The following CORO1B variants were observed in gnomAD, a reference collection of about 807,000 sequenced individuals.
CORO1B encodes coronin 1B, also known as coronin-1B.
In CORO1B, 30 loss-of-function variants were observed where a neutral mutation model predicts 51.1. The ratio of observed to expected loss-of-function variants is 0.59; its 90% CI spans 0.44 to 0.80. The LOEUF is 0.80. Ranked by LOEUF, CORO1B falls within the 30% of genes least tolerant of loss-of-function variation. CORO1B has a pLI of 0.00. For synonymous variants in CORO1B, 310 were observed against 289.7 expected (o/e 1.07, Z -0.71); for missense variants, 648 against 700.4 (o/e 0.93, Z 0.84).
Position 67,442,631 on chromosome 11 carries a change from C to T in CORO1B, c.-2-1G>A. On this transcript the variant is annotated splice_acceptor_variant, in intron 1 of 10. Transcript: ENST00000341356. LOFTEE classifies it low-confidence loss of function (5UTR_SPLICE). ...CGGACCACTTTGCGGAAGGACATGT[C>T]TGCGGGACAGAGAGGCCTGGGTCAG... is the stretch of plus-strand genomic sequence containing the variant. 1 of 1,613,272 alleles carries T rather than the reference C, an allele frequency of 6.2e-7. No homozygotes were observed. Among genetic ancestry groups the T allele is most frequent in the Non-Finnish European group, 8.5e-7 (1 of 1,179,896 alleles).
chr11:67,441,021 G>C, intron 6 of CORO1B, 104 bp downstream of exon 6: 2 of 1,552,032 alleles, frequency 1.3e-6, no homozygotes, highest in Non-Finnish European at 1.8e-6. Context: ...TCAAGTTCCA[G>C]GCAGAGAAGC....
At position 67,440,222 on chromosome 11, in the gene CORO1B, A is replaced by T. The variant is rs754173763; in HGVS notation, c.903T>A (p.Pro301=). ...ACGTGTTCAGGAAGTGGATGTAGGG[A>T]GGCTCCTCTGTGATCTCAAAGTACC... The part of the protein sequence containing the change: ...SIRYFEITEE[P]PYIHFLNTFT... Residue 301 remains proline, a synonymous_variant, in exon 8 of 11, where the codon CCT becomes CCA. Transcript: ENST00000341356. 6.2e-7 allele frequency: 1 copy of T among 1,613,872 alleles called. No homozygotes were observed. The highest frequency in any genetic ancestry group is 8.5e-7 in the Non-Finnish European group (1 of 1,179,962).
At chr11:67,443,700 CAG>C, upstream of CORO1B, 1 of 982,334 alleles carries the variant, frequency 1.0e-6, no homozygotes, top group Non-Finnish European at 1.2e-6. Flanking sequence ...CGGGGCGGGG[CAG>C]GGCCGACGGC....
chr11:67,440,914 C>T, intron 6 of CORO1B: 4 of 696,158 alleles, frequency 5.7e-6, no homozygotes, highest in East Asian at 2.7e-5. Flanking sequence ...TGGGCAAAGA[C>T]ACAGAGGCAG....
At chr11:67,442,202 CTG>C (rs761561780) in intron 2 of CORO1B, 114 bp from the exon 3 acceptor site, 185 of 1,513,800 alleles carry the variant, frequency 1.2e-4, no homozygotes, top group Middle Eastern at 4.7e-4. Flanking sequence ...CCAGATGTGA[CTG>C]TGCCCCACTT....
chr11:67,439,936 C>T, intron 8 of CORO1B, 93 bp from the exon 9 acceptor site: 1 of 1,451,088 alleles, frequency 6.9e-7, no homozygotes, highest in South Asian at 1.3e-5. Flanking sequence ...CAGTCCTCAC[C>T]CCAGGACCTC....
In CORO1B at chr11:67,442,656, G is replaced by C. The variant is rs1431998916; in HGVS notation, c.-2-26C>G. 2.5e-6 allele frequency: 4 copies of C among 1,603,568 alleles called. 1 individual carries two copies. In the South Asian group the frequency reaches 3.3e-5, roughly 13 times the overall value. On this transcript the variant is annotated intron_variant, in intron 1 of 10. Transcript: ENST00000341356. ...CTGCGGGACAGAGAGGCCTGGGTCA[G>C]TCCGGCCCATCCCAACAACTCCAGC...
chr11:67,440,494 A>G lies in CORO1B; in HGVS notation c.757-55T>C, dbSNP rs748084639. On this transcript the variant is annotated intron_variant, in intron 6 of 10. Transcript: ENST00000341356. ...AGAACCTCCTCACCCCCTAATCCCA[A>G]ACCAGGACGGGCCTTAGCTGGCCTC... 3.9e-6 allele frequency: 6 copies of G among 1,538,588 alleles called. No individual in the cohort carries two copies. In the Admixed American group the frequency reaches 5.3e-5, roughly 13 times the overall value.
In CORO1B at chr11:67,441,240, C is replaced by A. The variant is rs563944593; in HGVS notation, c.641G>T (p.Arg214Leu). Reference protein sequence around the residue: ...DPRRGTLVAEREKAHEGARPM... With the variant: ...DPRRGTLVAELEKAHEGARPM... ...CCGGGCCCCCTCATGAGCCTTCTCC[C>A]GCTCCTGTCGGGGGGACAGGCTGGT... Residue 214 changes from arginine to leucine, a missense_variant, in exon 6 of 11, where the codon CGG (arginine) becomes CTG (leucine). Coordinates refer to ENST00000341356, the MANE Select transcript of CORO1B (RefSeq NM_020441.3). 6.2e-7 allele frequency: 1 copy of A among 1,613,068 alleles called. No homozygotes were observed. The highest frequency in any genetic ancestry group is 8.5e-7 in the Non-Finnish European group (1 of 1,179,964).
Position 67,438,376 on chromosome 11 carries a change from C to A in CORO1B, c.1470G>T (p.Ter490TyrextTer74). The stretch of plus-strand genomic sequence containing the variant: ...ATGAAGGTGGCGTGTGGCTGTGGCC[C>A]TACGCATCCCCGTTCTCCATGCGGC... ...QLGRMENGDA[*>Y] is the part of the protein sequence containing the mutation. Residue 490 changes from the stop codon to tyrosine (Y), a stop_lost, in exon 11 of 11, where the codon TAG becomes TAT. Transcript: ENST00000341356. The A allele has an allele frequency of 6.2e-7, 1 of 1,600,186 alleles. No individual in the cohort carries two copies. The highest frequency in any genetic ancestry group is 1.1e-5 in the South Asian group (1 of 90,634).
At position 67,442,058 on chromosome 11, in the gene CORO1B, C is replaced by T. The variant is rs752869875; in HGVS notation, c.232G>A (p.Val78Met). 2.1e-5 allele frequency: 34 copies of T among 1,612,844 alleles called. No individual in the cohort carries two copies. Among genetic ancestry groups the T allele is most frequent in the Non-Finnish European group, 2.8e-5 (33 of 1,179,976 alleles). ...AGGACAGGTCCCGTGTGCCCACACA[C>T]CGTCGGGTAGGCCTTGTCAATGCGG... Reference protein sequence around the residue: ...TGRIDKAYPTVCGHTGPVLDI... With the variant: ...TGRIDKAYPTMCGHTGPVLDI... Residue 78 changes from valine to methionine, a missense_variant, in exon 3 of 11, where the codon GTG (valine) becomes ATG (methionine). Val to Met is a conservative substitution (Grantham distance 21). Coordinates refer to ENST00000341356, the MANE Select transcript of CORO1B (RefSeq NM_020441.3).
At chr11:67,442,728 C>G in intron 1 of CORO1B, 98 bp from the exon 2 acceptor site, 1 of 1,249,620 alleles carries the variant, frequency 8.0e-7, no homozygotes. Flanking sequence ...AACCGGGGGC[C>G]AGGCCACCGT....
chr11:67,441,849 G>A lies in CORO1B; in HGVS notation c.338C>T (p.Pro113Leu), dbSNP rs548608950. Reference protein sequence around the residue: ...EDCTVMVWQIPENGLTSPLTE... With the variant: ...EDCTVMVWQILENGLTSPLTE... ...CAGCGGGGAGGTCAGCCCGTTCTCT[G>A]GGATCTGCCACACCTGTGGTAGGGA... Residue 113 changes from proline (P) to leucine (L), a missense_variant, in exon 4 of 11, where the codon CCA (proline) becomes CTA (leucine). Coordinates refer to ENST00000341356, the MANE Select transcript of CORO1B (RefSeq NM_020441.3). 3.7e-6 allele frequency: 6 copies of A among 1,613,166 alleles called. No individual in the cohort carries two copies. The Admixed American group carries it at 5.0e-5, about 13-fold the overall frequency.
intron 6 of CORO1B, chr11:67,440,766 AT>A (rs777363119): frequency 2.5e-4 from 158 of 644,612 alleles, no homozygotes; most frequent in Non-Finnish European, 4.0e-4. Context: ...GGAGGTCACT[AT>A]GCAGAAGCAG....
chr11:67,443,497 A>G, upstream of CORO1B: 1 of 983,534 alleles, frequency 1.0e-6, no homozygotes, highest in Non-Finnish European at 1.2e-6. Flanking sequence ...TCAGGAAGTG[A>G]CAGAGGGACC....
intron 4 of CORO1B, 55 bp downstream of exon 4, chr11:67,441,678 G>A (rs1469360430): frequency 1.5e-6 from 2 of 1,337,258 alleles, no homozygotes; most frequent in South Asian, 1.2e-5. Context: ...GGGCTGCTGG[G>A]ATGTATGGAG....
Position 67,441,996 on chromosome 11 carries a change from T to G in CORO1B, c.294A>C (p.Ile98=). 1 of 1,613,264 alleles carries G rather than the reference T, an allele frequency of 6.2e-7. No homozygotes were observed. The highest frequency in any genetic ancestry group is 8.5e-7 in the Non-Finnish European group (1 of 1,180,010). Residue 98 remains isoleucine, a synonymous_variant, in exon 3 of 11, where the codon ATA becomes ATC. Transcript: ENST00000341356. ...IDWCPHNDEV[I]ASGSEDCTVM... ...CCGTGCAGTCCTCCGAGCCGCTGGC[T>G]ATGACTTCGTCGTTGTGAGGACACC...
At chr11:67,443,183 GC>G (rs757905824) in intron 1 of CORO1B, among the ~76,000 whole-genome samples, 1 of 152,204 alleles carries the variant, frequency 6.6e-6, no homozygotes, top group Non-Finnish European at 1.5e-5. Flanking sequence ...ACCCAGAGCG[GC>G]CTCGAATCGG....
chr11:67,442,445 C>T lies in CORO1B; in HGVS notation c.184G>A (p.Val62Met). ...VEASGGGAFL[V>M]LPLSKTGRID... is the part of the protein sequence containing the mutation. ...GGACCCACCTTGCTTAGGGGGAGCA[C>T]CAGAAAGGCACCCCCTCCACTGGCC... Residue 62 changes from valine to methionine, a missense_variant, in exon 2 of 11, where the codon GTG (valine) becomes ATG (methionine). Transcript: ENST00000341356. The T allele has an allele frequency of 6.2e-7, 1 of 1,613,222 alleles. No individual in the cohort carries two copies. Among genetic ancestry groups the T allele is most frequent in the Non-Finnish European group, 8.5e-7 (1 of 1,179,998 alleles).
Sources: allele counts gnomAD v4.1 joint callset (sites outside exome capture counted in the v4.1 genomes callset), GRCh38; gene constraint gnomAD v4.1.1; transcripts MANE v1.5; gene names NCBI Gene and HGNC (gene_info 2026-07-23, HGNC 2026-07-21).